Variants in NALCN observed in about 807,000 individuals in gnomAD.
NALCN encodes the protein sodium leak channel NALCN.
Under a neutral mutation model 225.3 loss-of-function variants are expected in NALCN, and 111 were observed. The observed-to-expected ratio is 0.49, with a 90% confidence interval of 0.42 to 0.58. The LOEUF is 0.58. Ranked by LOEUF, NALCN falls within the 20% of genes least tolerant of loss-of-function variation. The probability of loss-of-function intolerance (pLI) is 0.00; values close to 1 mark genes in which losing one functional copy is unlikely to be tolerated. For missense variants in NALCN, 1,378 were observed against 2,202.4 expected, an observed-to-expected ratio of 0.63 and a Z score of 7.49; for synonymous variants, 764 against 769.0, an observed-to-expected ratio of 0.99 and a Z score of 0.11.
At position 101,395,384 on chromosome 13, in the gene NALCN, G is replaced by A. The variant is rs1183578096; in HGVS notation, c.109-19C>T. 6.2e-7 allele frequency: 1 copy of A among 1,609,792 alleles called. No homozygotes were observed. The highest frequency in any genetic ancestry group is 8.5e-7 in the Non-Finnish European group (1 of 1,177,792). On this transcript the variant is annotated intron_variant, in intron 2 of 43. Transcript: ENST00000251127. Reference sequence around the variant, plus strand: ...GAACCCACTGCAATGATGGTCCAGAGTTACTACACGGCACCATAACTGATA... The same window carrying A: ...GAACCCACTGCAATGATGGTCCAGAATTACTACACGGCACCATAACTGATA...
chr13:101,190,671 T>C (rs2039644944), intron 14 of NALCN, among the ~76,000 whole-genome samples: 1 of 152,244 alleles, frequency 6.6e-6, no homozygotes, highest in South Asian at 2.1e-4. Context: ...TGGACATGTC[T>C]TAGTTTTGAA....
intron 7 of NALCN, among the ~76,000 whole-genome samples, chr13:101,328,785 T>C (rs2045055676): frequency 6.6e-6 from 1 of 152,152 alleles, no homozygotes; most frequent in South Asian, 2.1e-4. Flanking sequence ...TATCCCTATT[T>C]TACAGGGCAG....
chr13:101,305,569 A>G (rs991986786), intron 7 of NALCN, among the ~76,000 whole-genome samples: 2 of 152,348 alleles, frequency 1.3e-5, no homozygotes, highest in East Asian at 1.9e-4. Flanking sequence ...ACAACAATCA[A>G]AAGGCTAATA....
chr13:101,214,416 C>A (rs2040649064), intron 13 of NALCN, among the ~76,000 whole-genome samples: 1 of 152,208 alleles, frequency 6.6e-6, no homozygotes, highest in Admixed American at 6.5e-5. Flanking sequence ...GCACGTTATG[C>A]ACATGTACCC....
intron 10 of NALCN, among the ~76,000 whole-genome samples, chr13:101,283,137 G>A (rs190691603): frequency 3.7e-4 from 56 of 152,270 alleles, no homozygotes; most frequent in African/African-American, 1.3e-3. Context: ...CCGGTCCTAC[G>A]AGTGGGCTGC....
At chr13:101,154,701 C>G (rs79488168) in intron 15 of NALCN, among the ~76,000 whole-genome samples, 2,803 of 152,296 alleles carry the variant, frequency 0.018, 88 homozygotes, top group African/African-American at 0.063. Flanking sequence ...GAAGGCAACA[C>G]TAACGGAGTC....
At chr13:101,154,396 T>C (rs999038344) in intron 15 of NALCN, among the ~76,000 whole-genome samples, 13 of 152,224 alleles carry the variant, frequency 8.5e-5, no homozygotes, top group Non-Finnish European at 2.9e-5. Flanking sequence ...TCCTCTTATA[T>C]GGGATATTTT....
At chr13:101,169,780 GT>G (rs2038627334) in intron 15 of NALCN, among the ~76,000 whole-genome samples, 1 of 152,198 alleles carries the variant, frequency 6.6e-6, no homozygotes, top group Admixed American at 6.5e-5. Context: ...TCCCCTGAAT[GT>G]TAGTTGCCAC....
chr13:101,091,128 T>C (rs1284939617), intron 28 of NALCN, among the ~76,000 whole-genome samples: 2 of 152,204 alleles, frequency 1.3e-5, no homozygotes, highest in Non-Finnish European at 2.9e-5. Flanking sequence ...CTTTCCTTCT[T>C]ATTAGAGGCT....
At chr13:101,408,105 C>T (rs1049782763) in intron 1 of NALCN, among the ~76,000 whole-genome samples, 2 of 152,168 alleles carry the variant, frequency 1.3e-5, no homozygotes, top group African/African-American at 2.4e-5. Context: ...TTTCTGATTG[C>T]CACCCCAGGA....
intron 1 of NALCN, among the ~76,000 whole-genome samples, chr13:101,413,572 T>C (rs185763604): frequency 2.0e-5 from 3 of 152,040 alleles, no homozygotes; most frequent in Admixed American, 6.5e-5. Context: ...GTAAAAACAG[T>C]ATAAAAGTTG....
Position 101,144,252 on chromosome 13 carries a change from GTTC to G in NALCN, c.1976+505_1976+507del, listed in dbSNP as rs1199305878. On this transcript the variant is annotated intron_variant, in intron 16 of 43. Transcript: ENST00000251127. ...TCAGTATGAGTGGAAAAACGCCACG[GTTC>G]TTCTTTTAAAAAGTGGAAGGCAAAT... 5.9e-5 allele frequency among the ~76,000 whole-genome samples: 9 copies of G among 152,316 alleles called. No individual in the cohort carries two copies. The East Asian group carries it at 1.7e-3, about 29-fold the overall frequency.
chr13:101,280,668 A>T (rs925466632), intron 10 of NALCN, among the ~76,000 whole-genome samples: 7 of 151,914 alleles, frequency 4.6e-5, no homozygotes, highest in African/African-American at 1.5e-4. Flanking sequence ...TTACTTGCAT[A>T]TTTTTTTCAG....
chr13:101,153,126 T>C (rs1451377110), intron 15 of NALCN, among the ~76,000 whole-genome samples: 1 of 152,184 alleles, frequency 6.6e-6, no homozygotes, highest in African/African-American at 2.4e-5. Context: ...TAAGAAGACA[T>C]GGATTTAAAC....
intron 15 of NALCN, among the ~76,000 whole-genome samples, chr13:101,167,677 A>G (rs1386977131): frequency 6.6e-6 from 1 of 151,180 alleles, no homozygotes; most frequent in Non-Finnish European, 1.5e-5. Context: ...GTCTCTACTG[A>G]AAATACAAAA....
At chr13:101,071,753 A>G (rs1465994215) in intron 37 of NALCN, among the ~76,000 whole-genome samples, 1 of 152,186 alleles carries the variant, frequency 6.6e-6, no homozygotes, top group Non-Finnish European at 1.5e-5. Flanking sequence ...TTTCCTTTGA[A>G]TTTACAACTT....
At chr13:101,149,992 A>C (rs7989496) in intron 15 of NALCN, among the ~76,000 whole-genome samples, 116,095 of 152,230 alleles carry the variant, frequency 0.76, 44,599 homozygotes, top group East Asian at 1. Flanking sequence ...TAAAAGTCCC[A>C]AAATGTGAAC....
rs151081583 is a variant in NALCN, at chr13:101,330,075, A to T, written c.799+15191T>A. 4.1e-3 allele frequency among the ~76,000 whole-genome samples: 616 copies of T among 150,246 alleles called. 3 individuals carry two copies. The highest frequency in any genetic ancestry group is 0.014 in the African/African-American group (587 of 41,084). On this transcript the variant is annotated intron_variant, in intron 7 of 43. Transcript: ENST00000251127. ...TATAATATATATATACATATATATA[A>T]TGTTATTAGCAGCATATATATATAT...
At chr13:101,093,211 A>T (rs1311839055) in intron 28 of NALCN, among the ~76,000 whole-genome samples, 1 of 152,204 alleles carries the variant, frequency 6.6e-6, no homozygotes, top group African/African-American at 2.4e-5. Flanking sequence ...ATTCAGAAGA[A>T]AGTACATTTA....
Sources: gnomAD v4.1 joint callset for allele counts (sites outside exome capture counted in the v4.1 genomes callset) on GRCh38, gnomAD v4.1.1 for gene constraint, MANE v1.5 for transcripts, NCBI Gene and HGNC (gene_info 2026-07-23, HGNC 2026-07-21) for gene names.